The following INSC variants were observed in gnomAD, a reference collection of about 807,000 sequenced individuals.
The protein encoded by INSC is protein inscuteable homolog.
A neutral mutation model predicts 58.6 loss-of-function variants in INSC; 67 were observed. The observed-to-expected ratio is 1.14, with a 90% CI of 0.94 to 1.40. The LOEUF is 1.40. Among genes scored for constraint, INSC ranks in the 40% most tolerant of loss-of-function variants. The pLI, the probability that INSC is intolerant of heterozygous loss-of-function variation, is 0.00. For missense variants in INSC, 714 were observed against 692.0 expected (o/e 1.03, Z -0.36); for synonymous variants, 262 against 276.1 (o/e 0.95, Z 0.51).
chr11:15,199,307 T>A (rs1329596037), intron 6 of INSC, among the ~76,000 whole-genome samples: 3 of 152,248 alleles, frequency 2.0e-5, no homozygotes, highest in Non-Finnish European at 4.4e-5. Context: ...TAAGTTGTGA[T>A]TACTCTTAGC....
At chr11:15,126,885 A>G (rs1050803304) in intron 1 of INSC, among the ~76,000 whole-genome samples, 3 of 152,206 alleles carry the variant, frequency 2.0e-5, no homozygotes, top group East Asian at 1.9e-4. Context: ...ATGTGGAATC[A>G]GAAAGAGCTG....
rs72859851 is a variant in INSC, at chr11:15,146,531, G to T, written c.-45-2599G>T. Among the ~76,000 whole-genome samples the T allele has an allele frequency of 4.9e-3, 745 of 152,306 alleles. 2 individuals carry two copies. The highest frequency in any genetic ancestry group is 8.2e-3 in the Non-Finnish European group (561 of 68,022). On this transcript the variant is annotated intron_variant, in intron 1 of 12. Transcript: ENST00000379556. ...AGCTGGCAGCTCCCCCTGCATAACT[G>T]CTGGGAAGCTATGGGTCAAAAAGAT...
chr11:15,233,390 G>A (rs184848972), intron 9 of INSC, among the ~76,000 whole-genome samples: 123 of 152,336 alleles, frequency 8.1e-4, no homozygotes, highest in African/African-American at 2.8e-3. Context: ...CCATGGACTT[G>A]ACTGTGAGGA....
intron 7 of INSC, among the ~76,000 whole-genome samples, chr11:15,208,721 T>C (rs1850905097): frequency 6.6e-6 from 1 of 152,162 alleles, no homozygotes; most frequent in Admixed American, 6.6e-5. Flanking sequence ...TGCCAGGCAG[T>C]CCAGGTGCCT....
At chr11:15,200,153 TCACACACACACACACACACACACACA>T (rs57120673) in intron 6 of INSC, among the ~76,000 whole-genome samples, 2,855 of 146,934 alleles carry the variant, frequency 0.019, 103 homozygotes, top group African/African-American at 0.069. Context: ...AAGGGTTATA[TCACACACACACACACACACACACACA>T]CACACACACA....
At chr11:15,115,078 G>T (rs1847659953) in intron 1 of INSC, 75 bp downstream of exon 1, 3 of 921,232 alleles carry the variant, frequency 3.3e-6, no homozygotes, top group Non-Finnish European at 3.9e-6. Flanking sequence ...AACAGTGCAG[G>T]TTTGTCACTA....
At chr11:15,200,994 T>A (rs1232377985) in intron 7 of INSC, 45 bp downstream of exon 7, 6 of 1,558,836 alleles carry the variant, frequency 3.8e-6, no homozygotes, top group Non-Finnish European at 5.2e-6. Context: ...TCAAGCCAGG[T>A]AGGGGTGAGG....
chr11:15,158,219 C>G (rs1433466167), intron 2 of INSC, among the ~76,000 whole-genome samples: 1 of 151,792 alleles, frequency 6.6e-6, no homozygotes, highest in East Asian at 1.9e-4. Flanking sequence ...GTTGTCACTT[C>G]CCTGCTCTAA....
chr11:15,205,963 A>C (rs1025932279), intron 7 of INSC, among the ~76,000 whole-genome samples: 2 of 152,146 alleles, frequency 1.3e-5, no homozygotes, highest in African/African-American at 2.4e-5. Flanking sequence ...AGGCCTCTCC[A>C]CAAGTGTCTG....
chr11:15,147,362 C>T (rs1364283802), intron 1 of INSC, among the ~76,000 whole-genome samples: 1 of 152,198 alleles, frequency 6.6e-6, no homozygotes, highest in Non-Finnish European at 1.5e-5. Context: ...CCTGCTGTAT[C>T]TCATTTTCTG....
intron 2 of INSC, among the ~76,000 whole-genome samples, chr11:15,163,760 A>C (rs2133791833): frequency 6.6e-6 from 1 of 151,964 alleles, no homozygotes; most frequent in South Asian, 2.1e-4. Flanking sequence ...CGCTCAACTA[A>C]TTTTCTGTAT....
chr11:15,214,360 G>A (rs932647012), intron 7 of INSC, among the ~76,000 whole-genome samples: 1 of 152,172 alleles, frequency 6.6e-6, no homozygotes, highest in African/African-American at 2.4e-5. Flanking sequence ...CGTTTTCAGT[G>A]CATTCCCGTG....
At chr11:15,219,166 G>A (rs1344683953) in intron 7 of INSC, among the ~76,000 whole-genome samples, 4 of 152,098 alleles carry the variant, frequency 2.6e-5, no homozygotes, top group Non-Finnish European at 5.9e-5. Flanking sequence ...TGGTGGAATA[G>A]GTCTGGGTGG....
intron 9 of INSC, among the ~76,000 whole-genome samples, chr11:15,229,978 AT>A (rs376876877): frequency 0.13 from 2,974 of 23,700 alleles, 200 homozygotes; most frequent in South Asian, 0.2. Flanking sequence ...ATATATATAT[AT>A]TATATATATA....
At chr11:15,130,573 A>G (rs1590339432) in intron 1 of INSC, among the ~76,000 whole-genome samples, 1 of 152,150 alleles carries the variant, frequency 6.6e-6, no homozygotes, top group Non-Finnish European at 1.5e-5. Context: ...GTTCAATTTT[A>G]GTATCAAAGT....
intron 1 of INSC, among the ~76,000 whole-genome samples, chr11:15,125,637 C>G (rs530214974): frequency 1.3e-5 from 2 of 152,174 alleles, no homozygotes; most frequent in African/African-American, 2.4e-5. Context: ...TTCCTCTGTT[C>G]GACCCACTTC....
At chr11:15,253,053 T>TAGA in the INSC span, among the ~76,000 whole-genome samples, 3 of 152,108 alleles carry the variant, frequency 2.0e-5, no homozygotes, top group African/African-American at 7.2e-5. Flanking sequence ...CCAGCTGTGG[T>TAGA]AGAACAAAGC....
chr11:15,250,041 A>C (rs1044387832), downstream of INSC, among the ~76,000 whole-genome samples: 1 of 152,186 alleles, frequency 6.6e-6, no homozygotes, highest in Admixed American at 6.5e-5. Context: ...AGGCCCTAGG[A>C]CAGGATTAAG....
At chr11:15,260,538 C>T in the INSC span, among the ~76,000 whole-genome samples, 1 of 152,082 alleles carries the variant, frequency 6.6e-6, no homozygotes, top group Non-Finnish European at 1.5e-5. Flanking sequence ...ACATCAAGCT[C>T]ACATGGTTGT....
Sources: allele counts gnomAD v4.1 joint callset (sites outside exome capture counted in the v4.1 genomes callset), GRCh38; gene constraint gnomAD v4.1.1; transcripts MANE v1.5; gene names NCBI Gene and HGNC (gene_info 2026-07-23, HGNC 2026-07-21).